HLA-G: variants seen among roughly 807,000 people sequenced by gnomAD.
The protein encoded by HLA-G is HLA class I histocompatibility antigen, alpha chain G.
In HLA-G, 34 loss-of-function variants were observed where a neutral mutation model predicts 39.3. That is an observed-to-expected ratio of 0.86 (90% CI 0.66 to 1.15). The LOEUF (loss-of-function observed/expected upper bound fraction) is 1.15. Ranked by LOEUF, HLA-G falls within the 50% of genes most tolerant of loss-of-function variation. The pLI is 0.00. For missense variants in HLA-G, 419 were observed against 456.4 expected, an observed-to-expected ratio of 0.92 and a Z score of 0.75; for synonymous variants, 183 against 185.8, an observed-to-expected ratio of 0.99 and a Z score of 0.12.
intron 3 of HLA-G, 62 bp from the exon 4 acceptor site, chr6:29,829,356 G>C (rs1004181336): frequency 1.3e-6 from 2 of 1,546,838 alleles, no homozygotes; most frequent in Non-Finnish European, 1.8e-6. Flanking sequence ...TCACATCCAG[G>C]TGCTGCTGGA....
At chr6:29,829,316 C>G in intron 3 of HLA-G, 102 bp from the exon 4 acceptor site, 2 of 1,311,438 alleles carry the variant, frequency 1.5e-6, no homozygotes, top group Non-Finnish European at 2.1e-6. Flanking sequence ...CCCTTCCCCA[C>G]CCCAGGTATC....
At chr6:29,826,947 T>C (rs1046183915), upstream of HLA-G, 11 of 480,324 alleles carry the variant, frequency 2.3e-5, no homozygotes, top group African/African-American at 4.0e-5. Flanking sequence ...ATAAAGTTTG[T>C]GCTGGCTCCT....
chr6:29,827,697 G>A (rs770268484), upstream of HLA-G: 7 of 798,758 alleles, frequency 8.8e-6, no homozygotes, highest in Non-Finnish European at 1.5e-5. Flanking sequence ...ACCTGTGTCG[G>A]GTCCTTCTTC....
intron 2 of HLA-G, 99 bp from the exon 3 acceptor site, chr6:29,828,444 C>T: frequency 1.3e-6 from 2 of 1,525,022 alleles, no homozygotes; most frequent in Non-Finnish European, 1.8e-6. Flanking sequence ...AGACCCTCTA[C>T]CTGGGAGAAC....
chr6:29,828,626 G>T lies in HLA-G; in HGVS notation c.427G>T (p.Asp143Tyr). ...CCGCGGGTATGAACAGTATGCCTAC[G>T]ATGGCAAGGATTACCTCGCCCTGAA... ...LLRGYEQYAY[D>Y]GKDYLALNED... Residue 143 changes from aspartate (D) to tyrosine (Y), a missense_variant, in exon 3 of 7, where the codon GAT (aspartate) becomes TAT (tyrosine). Asp to Tyr is a radical substitution (Grantham distance 160). Coordinates refer to ENST00000360323, the MANE Select transcript of HLA-G (RefSeq NM_001384290.1). 1 of 1,613,222 alleles carries T rather than the reference G, an allele frequency of 6.2e-7. No individual in the cohort carries two copies. Among genetic ancestry groups the T allele is most frequent in the Non-Finnish European group, 8.5e-7 (1 of 1,180,026 alleles).
rs1761124796 is a variant in HLA-G at position 29,829,917 on chromosome 6, A to C, written c.997A>C (p.Arg333=). ...AGCTGCGGTCGCTGCTGTGCTGTGG[A>C]GAAAGAAGAGCTCAGGTAAGGAAGG... ...TGAAVAAVLW[R]KKSSD The change falls in exon 5 of 7, where the codon AGA becomes CGA. Residue 333 remains arginine, a synonymous_variant. Coordinates refer to ENST00000360323, the MANE Select transcript of HLA-G (RefSeq NM_001384290.1). 6.2e-7 allele frequency: 1 copy of C among 1,612,226 alleles called. No homozygotes were observed. The highest frequency in any genetic ancestry group is 1.7e-5 in the Admixed American group (1 of 59,776).
intron 5 of HLA-G, among the ~76,000 whole-genome samples, 153 bp from the exon 6 acceptor site, chr6:29,830,225 C>A (rs1268676645): frequency 6.6e-6 from 1 of 152,130 alleles, no homozygotes; most frequent in Non-Finnish European, 1.5e-5. Flanking sequence ...GTCGAGGACC[C>A]ACATCTGCTT....
Position 29,828,397 on chromosome 6 carries a change from G to C in HLA-G, c.343+81G>C, listed in dbSNP as rs536780187. On this transcript the variant is annotated intron_variant, in intron 2 of 6. Coordinates refer to ENST00000360323, the MANE Select transcript of HLA-G (RefSeq NM_001384290.1). The stretch of plus-strand genomic sequence containing the variant: ...ACGGCCCGGGTACTCCCGAGTCTCC[G>C]GGTCTGGGATCCACCCCGAGGCCGC... 3.9e-6 allele frequency: 6 copies of C among 1,554,406 alleles called. No homozygotes were observed. The East Asian group carries it at 9.1e-5, about 24-fold the overall frequency.
At position 29,830,418 on chromosome 6, in the gene HLA-G, T is replaced by C. The variant is rs1383582202; in HGVS notation, c.*28+8T>C. ...GCTACTCTCAGGCTGCAAGTAAGTA[T>C]GAAGGAGGCTGATCCCTGAGATCCT... On this transcript the variant is annotated splice_region_variant and intron_variant, in intron 6 of 6. Coordinates refer to ENST00000360323, the MANE Select transcript of HLA-G (RefSeq NM_001384290.1). 5.6e-6 allele frequency: 9 copies of C among 1,610,528 alleles called. No individual in the cohort carries two copies. The highest frequency in any genetic ancestry group is 6.8e-6 in the Non-Finnish European group (8 of 1,176,864).
At chr6:29,826,475 T>C (rs745500457), upstream of HLA-G, among the ~76,000 whole-genome samples, 17 of 152,208 alleles carry the variant, frequency 1.1e-4, no homozygotes, top group Middle Eastern at 3.4e-3. Flanking sequence ...CTCTGACTCA[T>C]AGTAGCAGGA....
upstream of HLA-G, chr6:29,826,932 G>A (rs1760726380): frequency 2.1e-6 from 1 of 474,024 alleles, no homozygotes; most frequent in South Asian, 1.5e-5. Flanking sequence ...ACAACTGTGA[G>A]GTGAATAAAG....
At chr6:29,827,724 C>A (rs970946859), upstream of HLA-G, 3 of 954,506 alleles carry the variant, frequency 3.1e-6, no homozygotes, top group African/African-American at 3.2e-5. Context: ...ACTCACCGGG[C>A]GGCCCCAGTT....
At chr6:29,828,459 A>T in intron 2 of HLA-G, 84 bp from the exon 3 acceptor site, 6 of 1,451,588 alleles carry the variant, frequency 4.1e-6, no homozygotes, top group Non-Finnish European at 5.4e-6. Context: ...GAGAACCCCA[A>T]GGCGCCTTTA....
Position 29,828,084 on chromosome 6 carries a change from C to T in HLA-G, c.111C>T (p.Ser37=). ...TGAGGTATTTCAGCGCCGCCGTGTCCCGGCCCGGCCGCGGGGAGCCCCGCT... is the reference window on the plus strand; with the variant it reads ...TGAGGTATTTCAGCGCCGCCGTGTCTCGGCCCGGCCGCGGGGAGCCCCGCT... ...HSMRYFSAAV[S]RPGRGEPRFI... is the part of the protein sequence containing the mutation. Residue 37 remains serine, a synonymous_variant, in exon 2 of 7, where the codon TCC becomes TCT. Transcript: ENST00000360323. The T allele has an allele frequency of 1.2e-6, 2 of 1,612,114 alleles. No individual in the cohort carries two copies. The highest frequency in any genetic ancestry group is 1.7e-6 in the Non-Finnish European group (2 of 1,179,620).
At chr6:29,827,164 G>C (rs1760744080), upstream of HLA-G, 1 of 463,644 alleles carries the variant, frequency 2.2e-6, no homozygotes, top group Non-Finnish European at 4.5e-6. Context: ...ACAGGCCAAA[G>C]TCACATTTTT....
upstream of HLA-G, chr6:29,827,402 G>A (rs17875394): frequency 8.7e-3 from 3,078 of 354,404 alleles, 118 homozygotes; most frequent in East Asian, 0.088. Flanking sequence ...AGTACAGGAG[G>A]ACAGGCAAGG....
chr6:29,829,835 C>G lies in HLA-G; in HGVS notation c.915C>G (p.Thr305=). ...TCCCAGAGCAGTCTTCCCTGCCCAC[C>G]ATCCCCATCATGGGTATCGTTGCTG... is the stretch of plus-strand genomic sequence containing the variant. The part of the protein sequence containing the change: ...MLRWKQSSLP[T]IPIMGIVAGL... The change falls in exon 5 of 7, where the codon ACC becomes ACG. Residue 305 remains threonine (T), a synonymous_variant. Coordinates refer to ENST00000360323, the MANE Select transcript of HLA-G (RefSeq NM_001384290.1). 2 of 1,613,724 alleles carry G rather than the reference C, an allele frequency of 1.2e-6. No individual in the cohort carries two copies. Among genetic ancestry groups the G allele is most frequent in the South Asian group, 2.2e-5 (2 of 91,046 alleles).
At chr6:29,829,989 G>A in intron 5 of HLA-G, 57 bp downstream of exon 5, 3 of 1,280,284 alleles carry the variant, frequency 2.3e-6, no homozygotes, top group Non-Finnish European at 3.4e-6. Context: ...GGGGTTTCAA[G>A]CCCCAGGTAG....
At position 29,830,904 on chromosome 6, in the gene HLA-G, T is replaced by C; in HGVS notation, c.*165T>C. ...CTTCCTCATGCTGAACTGCATTCCT[T>C]CCCCAATCACCTTTCCTGTTCCAGA... On this transcript the variant is annotated 3_prime_UTR_variant, in exon 7 of 7. Transcript: ENST00000360323. The C allele has an allele frequency of 3.1e-6, 1 of 320,360 alleles. No individual in the cohort carries two copies. Among genetic ancestry groups the C allele is most frequent in the Non-Finnish European group, 6.5e-6 (1 of 152,972 alleles). 19.8% of individuals were successfully genotyped at this position (320,360 alleles called of 1,614,324 possible).
Sources: gnomAD v4.1 joint callset for allele counts (sites outside exome capture counted in the v4.1 genomes callset) on GRCh38, gnomAD v4.1.1 for gene constraint, MANE v1.5 for transcripts, NCBI Gene and HGNC (gene_info 2026-07-23, HGNC 2026-07-21) for gene names.